The following CAPS2 variants were observed in gnomAD, a reference collection of about 807,000 sequenced individuals.
The protein encoded by CAPS2 is calcyphosine 2.
A neutral mutation model predicts 86.5 loss-of-function variants in CAPS2; 98 were observed. The observed-to-expected ratio is 1.13, with a 90% CI of 0.96 to 1.34. CAPS2 has a LOEUF of 1.34. Ranked by LOEUF, CAPS2 falls within the 40% of genes most tolerant of loss-of-function variation. CAPS2 has a pLI of 0.00. For missense variants in CAPS2, 729 were observed against 686.8 expected (o/e 1.06, Z -0.69); for synonymous variants, 210 against 225.1 (o/e 0.93, Z 0.60).
chr12:75,380,704 A>C (rs1322689799), intron 1 of CAPS2, among the ~76,000 whole-genome samples: 1 of 152,178 alleles, frequency 6.6e-6, no homozygotes, highest in Non-Finnish European at 1.5e-5. Context: ...TTACTATGCC[A>C]AGCACTAAGT....
Position 75,284,980 on chromosome 12 carries a change from C to G in CAPS2, c.1496G>C (p.Arg499Thr), listed in dbSNP as rs759239804. Reference sequence around the variant, plus strand: ...AGTTACCTTTCGAACATATGATTTCCTGTATTCATTCATTTCACCAATAAT... The same window carrying G: ...AGTTACCTTTCGAACATATGATTTCGTGTATTCATTCATTTCACCAATAAT... The change falls in exon 15 of 17, where the codon AGG (arginine) becomes ACG (threonine). Residue 499 changes from arginine to threonine, a missense_variant. Arg to Thr is a moderately conservative substitution (Grantham distance 71, BLOSUM62 -1). Coordinates refer to ENST00000393284, the Ensembl canonical transcript of CAPS2. 4.4e-5 allele frequency: 71 copies of G among 1,604,166 alleles called. No individual in the cohort carries two copies. The highest frequency in any genetic ancestry group is 5.8e-5 in the Non-Finnish European group (68 of 1,174,958).
At chr12:75,292,415 ATTAAAT>A (rs1472063417) in intron 12 of CAPS2, among the ~76,000 whole-genome samples, 1 of 151,964 alleles carries the variant, frequency 6.6e-6, no homozygotes, top group African/African-American at 2.4e-5. Context: ...AATTAAAACT[ATTAAAT>A]TTAAAAGCAA....
At chr12:75,313,832 A>C (rs1250446795) in intron 6 of CAPS2, among the ~76,000 whole-genome samples, 1 of 152,258 alleles carries the variant, frequency 6.6e-6, no homozygotes, top group African/African-American at 2.4e-5. Flanking sequence ...CTAAAGACAT[A>C]TCATAAAAAC....
chr12:75,372,709 CT>C (rs2044440342), intron 1 of CAPS2, among the ~76,000 whole-genome samples: 1 of 152,132 alleles, frequency 6.6e-6, no homozygotes, highest in Non-Finnish European at 1.5e-5. Context: ...GTATTGTCAC[CT>C]AATTGGCGTA....
exon 1 of CAPS2, chr12:75,390,874 T>C: frequency 1.5e-6 from 1 of 689,312 alleles, no homozygotes; most frequent in South Asian, 1.5e-5. Flanking sequence ...CAGACATCTA[T>C]TACCAGCTTT....
At chr12:75,324,673 T>G (rs1397646361) in intron 2 of CAPS2, among the ~76,000 whole-genome samples, 2 of 152,108 alleles carry the variant, frequency 1.3e-5, no homozygotes, top group Non-Finnish European at 1.5e-5. Context: ...TTCAGCTTAG[T>G]AAATTACTAA....
At chr12:75,379,287 G>A (rs1051799454) in intron 1 of CAPS2, among the ~76,000 whole-genome samples, 19 of 152,172 alleles carry the variant, frequency 1.2e-4, no homozygotes, top group African/African-American at 4.6e-4. Context: ...TCAGAAAATG[G>A]AGTTTATTCA....
At chr12:75,285,809 C>T (rs1001714513) in intron 14 of CAPS2, among the ~76,000 whole-genome samples, 3 of 151,830 alleles carry the variant, frequency 2.0e-5, no homozygotes, top group African/African-American at 7.2e-5. Context: ...ACATCCGGTC[C>T]TGGAGTGCTT....
At chr12:75,324,792 C>T (rs1241472579) in intron 2 of CAPS2, among the ~76,000 whole-genome samples, 1 of 151,826 alleles carries the variant, frequency 6.6e-6, no homozygotes, top group Admixed American at 6.6e-5. Flanking sequence ...CAACATAAAA[C>T]ATAAATTAAT....
chr12:75,312,897 T>C (rs2039379970), exon 7 of CAPS2: 1 of 1,607,220 alleles, frequency 6.2e-7, no homozygotes, highest in Admixed American at 1.7e-5. Flanking sequence ...TGTTTCTTCT[T>C]CTCTGCAGCC....
rs112259972 is a variant in CAPS2 at position 75,301,894 on chromosome 12, A to G, written c.780-1983T>C. Reference sequence around the variant, plus strand: ...AGGAACCCAAGTTCTCTACCAATACATAAAGAAGAATCAGAAAGACTGAAG... The same window carrying G: ...AGGAACCCAAGTTCTCTACCAATACGTAAAGAAGAATCAGAAAGACTGAAG... On this transcript the variant is annotated intron_variant, in intron 8 of 16. Transcript: ENST00000393284. Among the ~76,000 whole-genome samples the G allele has an allele frequency of 9.7e-3, 1,485 of 152,352 alleles. 19 individuals carry two copies. Among genetic ancestry groups the G allele is most frequent in the African/African-American group, 0.03 (1,238 of 41,584 alleles).
rs148163836 is a variant in CAPS2 at position 75,298,704 on chromosome 12, G to A, written c.1027C>T (p.Leu343Phe). The A allele has an allele frequency of 8.6e-5, 139 of 1,613,558 alleles. No homozygotes were observed. In the African/African-American group the frequency reaches 1.7e-3, roughly 20 times the overall value. The stretch of plus-strand genomic sequence containing the variant: ...CCACTTACAACATAAAAATCACCAA[G>A]TCGGTATTGTTTTCCTTTTCTTCGT... The change falls in exon 11 of 17, where the codon CTT (leucine) becomes TTT (phenylalanine). Residue 343 changes from leucine (L) to phenylalanine (F), a missense_variant. Coordinates refer to ENST00000393284, the Ensembl canonical transcript of CAPS2.
At chr12:75,369,649 G>C in intron 1 of CAPS2, 1 of 983,760 alleles carries the variant, frequency 1.0e-6, no homozygotes, top group Non-Finnish European at 1.2e-6. Flanking sequence ...CGTTTCTTCA[G>C]GGACGTGAAT....
In CAPS2 at chr12:75,292,698, GTATATAT is replaced by G. The variant is rs895929265; in HGVS notation, c.1163+544_1163+550del. On this transcript the variant is annotated intron_variant, in intron 12 of 16. Transcript: ENST00000393284. ...ATAATCTATAATACATATATAATAT[GTATATAT>G]TATATATTATATATAATATCACAGG... 4.2e-5 allele frequency among the ~76,000 whole-genome samples: 6 copies of G among 144,516 alleles called. No individual in the cohort carries two copies. The South Asian group carries it at 1.1e-3, about 26-fold the overall frequency. The allele number at this position is 144,516 out of a possible 152,430, so 94.8% of individuals were successfully genotyped here.
intron 11 of CAPS2, 140 bp downstream of exon 11, chr12:75,298,547 T>A (rs1027617664): frequency 6.6e-6 from 4 of 604,676 alleles, no homozygotes; most frequent in Non-Finnish European, 1.2e-5. Context: ...ACATCAACCA[T>A]TAGCCCACAC....
In CAPS2 at chr12:75,299,834, T is replaced by G. The variant is rs536731071; in HGVS notation, c.854+3A>C. Reference sequence around the variant, plus strand: ...TTAAAAATTTTAATAAAATCACAATTACCGTGATACGATCCTACCATCAAA... The same window carrying G: ...TTAAAAATTTTAATAAAATCACAATGACCGTGATACGATCCTACCATCAAA... On this transcript the variant is annotated splice_donor_region_variant and intron_variant, in intron 9 of 16. Coordinates refer to ENST00000393284, the Ensembl canonical transcript of CAPS2. The G allele has an allele frequency of 9.0e-6, 13 of 1,441,700 alleles. No individual in the cohort carries two copies. The highest frequency in any genetic ancestry group is 1.2e-5 in the Non-Finnish European group (13 of 1,054,632). 89.3% of individuals were successfully genotyped at this position (1,441,700 alleles called of 1,614,324 possible). A position where few individuals can be genotyped will look rare whatever the true frequency, so the allele number is the denominator to read the frequency against.
intron 1 of CAPS2, among the ~76,000 whole-genome samples, chr12:75,382,989 T>C (rs2045084510): frequency 6.6e-6 from 1 of 152,172 alleles, no homozygotes; most frequent in African/African-American, 2.4e-5. Flanking sequence ...ACTTTCAATA[T>C]AAAATAACTT....
chr12:75,359,770 T>C (rs1296972666), intron 1 of CAPS2: 1 of 152,122 alleles, frequency 6.6e-6, no homozygotes, highest in Non-Finnish European at 1.5e-5. Flanking sequence ...ACTGGAACAA[T>C]TAGTTATCCA....
At chr12:75,291,593 AT>A (rs2035954637) in intron 13 of CAPS2, 150 bp downstream of exon 13, 2 of 107,632 alleles carry the variant, frequency 1.9e-5, no homozygotes, top group South Asian at 3.3e-4. Context: ...ATATATATAT[AT>A]ATATATATAT....
Sources: gnomAD v4.1 joint callset for allele counts (sites outside exome capture counted in the v4.1 genomes callset) on GRCh38, gnomAD v4.1.1 for gene constraint, MANE v1.5 for transcripts, NCBI Gene and HGNC (gene_info 2026-07-23, HGNC 2026-07-21) for gene names.